The following ELOVL6 variants were observed in gnomAD, a reference collection of about 807,000 sequenced individuals.
ELOVL6 encodes ELOVL fatty acid elongase 6.
Under a neutral mutation model 31.7 loss-of-function variants are expected in ELOVL6, and 8 were observed. That is an observed-to-expected ratio of 0.25 (90% CI 0.15 to 0.45). The LOEUF is 0.45. Among genes scored for constraint, ELOVL6 ranks in the 20% least tolerant of loss-of-function variants. The pLI, the probability that ELOVL6 is intolerant of heterozygous loss-of-function variation, is 1.00. For synonymous variants in ELOVL6, 101 were observed against 117.7 expected, an observed-to-expected ratio of 0.86 and a Z score of 0.92; for missense variants, 126 against 326.4, an observed-to-expected ratio of 0.39 and a Z score of 4.73.
intron 1 of ELOVL6, among the ~76,000 whole-genome samples, chr4:110,133,921 A>T (rs1757738896): frequency 6.6e-6 from 1 of 152,210 alleles, no homozygotes; most frequent in African/African-American, 2.4e-5. Flanking sequence ...GCCTGTTTAC[A>T]TACGTTTAGA....
intron 1 of ELOVL6, among the ~76,000 whole-genome samples, chr4:110,148,831 A>G (rs1174012647): frequency 6.6e-6 from 1 of 152,170 alleles, no homozygotes; most frequent in Non-Finnish European, 1.5e-5. Flanking sequence ...GTTGGTAAGG[A>G]TGCAGAGGAA....
intron 1 of ELOVL6, among the ~76,000 whole-genome samples, chr4:110,106,421 G>A (rs1756891882): frequency 6.6e-6 from 1 of 152,104 alleles, no homozygotes; most frequent in African/African-American, 2.4e-5. Context: ...TGCTAAACGA[G>A]GGGTAGATTA....
At chr4:110,142,809 A>T (rs1758001547) in intron 1 of ELOVL6, among the ~76,000 whole-genome samples, 1 of 152,222 alleles carries the variant, frequency 6.6e-6, no homozygotes. Context: ...TAGTTATCAC[A>T]GTCCTATAAC....
intron 3 of ELOVL6, among the ~76,000 whole-genome samples, chr4:110,058,923 C>T (rs1291115667): frequency 6.6e-6 from 1 of 152,142 alleles, no homozygotes; most frequent in Non-Finnish European, 1.5e-5. Flanking sequence ...ATAAAGACAT[C>T]TTCCTGGAAA....
intron 1 of ELOVL6, among the ~76,000 whole-genome samples, chr4:110,129,719 A>C (rs745722312): frequency 7.2e-5 from 11 of 152,140 alleles, no homozygotes; most frequent in Admixed American, 3.9e-4. Context: ...CCCACATGAG[A>C]AAGACAATGA....
chr4:110,178,264 C>T (rs916490717), intron 1 of ELOVL6, among the ~76,000 whole-genome samples: 10 of 152,020 alleles, frequency 6.6e-5, no homozygotes, highest in Non-Finnish European at 1.3e-4. Flanking sequence ...AAAAAGAAAA[C>T]GAGCCGTGCA....
At chr4:110,114,709 G>A (rs1199036931) in intron 1 of ELOVL6, among the ~76,000 whole-genome samples, 10 of 152,080 alleles carry the variant, frequency 6.6e-5, no homozygotes, top group South Asian at 4.1e-4. Context: ...AGCCTAGGAC[G>A]TCTTATAACT....
chr4:110,050,333 A>G lies in ELOVL6; in HGVS notation c.*1005T>C, dbSNP rs4698806. ...TCAAACAGGGAGGGGCATACACACC[A>G]TCTGTCTGTCGAATTGATCTTCGGC... On this transcript the variant is annotated 3_prime_UTR_variant, in exon 4 of 4. Transcript: ENST00000302274. The G allele has an allele frequency of 0.49, 75,111 of 152,442 alleles. 21,873 individuals are homozygous for G. Among genetic ancestry groups the G allele is most frequent in the African/African-American group, 0.8 (33,169 of 41,450 alleles). The allele number at this position is 152,442 out of a possible 1,614,324, so 9.4% of individuals were successfully genotyped here. A position where few individuals can be genotyped will look rare whatever the true frequency, so the allele number is the denominator to read the frequency against.
At chr4:110,185,328 A>G (rs1405423258) in intron 1 of ELOVL6, among the ~76,000 whole-genome samples, 1 of 151,020 alleles carries the variant, frequency 6.6e-6, no homozygotes, top group Non-Finnish European at 1.5e-5. Context: ...AATGTCATGT[A>G]TGTACAGTAG....
chr4:110,092,623 G>T (rs1461103646), intron 2 of ELOVL6, among the ~76,000 whole-genome samples: 1 of 152,144 alleles, frequency 6.6e-6, no homozygotes, highest in Non-Finnish European at 1.5e-5. Context: ...ATTTTTCCAT[G>T]TTATTCTCTT....
At chr4:110,104,429 G>A (rs899594161) in intron 2 of ELOVL6, among the ~76,000 whole-genome samples, 2 of 151,976 alleles carry the variant, frequency 1.3e-5, no homozygotes, top group African/African-American at 2.4e-5. Flanking sequence ...TGAGTAAGTG[G>A]GTGTTTTAGA....
At chr4:110,060,807 G>C (rs995315385) in intron 2 of ELOVL6, among the ~76,000 whole-genome samples, 1 of 152,166 alleles carries the variant, frequency 6.6e-6, no homozygotes, top group African/African-American at 2.4e-5. Context: ...TCAGCTGAGA[G>C]ATCAATGAAT....
intron 2 of ELOVL6, among the ~76,000 whole-genome samples, chr4:110,068,764 G>A (rs1417522844): frequency 6.6e-6 from 1 of 152,188 alleles, no homozygotes; most frequent in Non-Finnish European, 1.5e-5. Context: ...ACCTGGCACA[G>A]CAAAGAAATG....
chr4:110,149,109 A>G (rs1758211331), intron 1 of ELOVL6, among the ~76,000 whole-genome samples: 1 of 152,100 alleles, frequency 6.6e-6, no homozygotes, highest in East Asian at 1.9e-4. Flanking sequence ...AGATCCACCC[A>G]TCTTGGCTTC....
intron 1 of ELOVL6, among the ~76,000 whole-genome samples, chr4:110,151,517 T>C (rs987386354): frequency 1.3e-5 from 2 of 152,180 alleles, no homozygotes; most frequent in African/African-American, 4.8e-5. Flanking sequence ...ATTTGTACCA[T>C]TGTTATATTA....
chr4:110,140,985 G>GAT (rs1320397131), intron 1 of ELOVL6, among the ~76,000 whole-genome samples: 1 of 152,032 alleles, frequency 6.6e-6, no homozygotes, highest in African/African-American at 2.4e-5. Flanking sequence ...CAGCTTACGG[G>GAT]ATTGTTGAGA....
At chr4:110,148,786 A>G (rs747720955) in intron 1 of ELOVL6, among the ~76,000 whole-genome samples, 13 of 152,338 alleles carry the variant, frequency 8.5e-5, no homozygotes, top group Non-Finnish European at 1.8e-4. Flanking sequence ...AAAATTTAAA[A>G]TAATTTTTTT....
Position 110,117,292 on chromosome 4 carries a change from G to T in ELOVL6, c.90-11664C>A, listed in dbSNP as rs536997616. Reference sequence around the variant, plus strand: ...AATATGGAGACAGAAATTAAGAAAAGAGAAATTGGAAAACTCAAGAGGGTG... The same window carrying T: ...AATATGGAGACAGAAATTAAGAAAATAGAAATTGGAAAACTCAAGAGGGTG... On this transcript the variant is annotated intron_variant, in intron 1 of 3. Coordinates refer to ENST00000302274, the MANE Select transcript of ELOVL6 (RefSeq NM_024090.3). 5.9e-5 allele frequency among the ~76,000 whole-genome samples: 9 copies of T among 152,250 alleles called. No homozygotes were observed. In the East Asian group the frequency reaches 9.7e-4, roughly 16 times the overall value.
chr4:110,106,141 T>C (rs139577806), intron 1 of ELOVL6, among the ~76,000 whole-genome samples: 9,028 of 152,154 alleles, frequency 0.059, 899 homozygotes, highest in African/African-American at 0.2. Context: ...TGGATCACTT[T>C]AGGCCAGGAG....
Sources: allele counts gnomAD v4.1 joint callset (sites outside exome capture counted in the v4.1 genomes callset), GRCh38; gene constraint gnomAD v4.1.1; transcripts MANE v1.5; gene names NCBI Gene and HGNC (gene_info 2026-07-23, HGNC 2026-07-21).